Variants in EPHB1 observed in about 807,000 individuals in gnomAD.
EPHB1 encodes EPH receptor B1, also known as ephrin type-B receptor 1.
A neutral mutation model predicts 94.4 loss-of-function variants in EPHB1; 30 were observed. That is an observed-to-expected ratio of 0.32 (90% CI 0.24 to 0.43). EPHB1 has a LOEUF of 0.43. EPHB1 is among the 20% of genes least tolerant of loss of function. The pLI, the probability that EPHB1 is intolerant of heterozygous loss-of-function variation, is 1.00. For synonymous variants in EPHB1, 522 were observed against 489.1 expected, an observed-to-expected ratio of 1.07 and a Z score of -0.89; for missense variants, 1,055 against 1,308.3, an observed-to-expected ratio of 0.81 and a Z score of 2.99.
At chr3:134,997,654 C>T (rs1035259265) in intron 3 of EPHB1, among the ~76,000 whole-genome samples, 5 of 152,148 alleles carry the variant, frequency 3.3e-5, no homozygotes, top group Admixed American at 2.6e-4. Flanking sequence ...TTTTAGTTTC[C>T]TTACTATTCT....
chr3:134,880,690 C>T (rs1399710), intron 1 of EPHB1, among the ~76,000 whole-genome samples: 65,334 of 152,136 alleles, frequency 0.43, 14,442 homozygotes, highest in Non-Finnish European at 0.48. Flanking sequence ...GTTGGACCAC[C>T]CTCTGAGCAC....
intron 13 of EPHB1, 130 bp from the exon 14 acceptor site, chr3:135,248,186 G>T: frequency 1.3e-6 from 1 of 771,960 alleles, no homozygotes; most frequent in Non-Finnish European, 2.0e-6. Context: ...ACAGCGGAAG[G>T]TGTGCAAGCA....
chr3:135,140,975 T>C (rs1048566610), intron 5 of EPHB1, among the ~76,000 whole-genome samples: 2 of 152,192 alleles, frequency 1.3e-5, no homozygotes, highest in African/African-American at 4.8e-5. Context: ...TTGAATGTTC[T>C]GGGTAAATAA....
intron 3 of EPHB1, among the ~76,000 whole-genome samples, chr3:135,021,548 A>G (rs1288624148): frequency 6.8e-6 from 1 of 146,118 alleles, no homozygotes; most frequent in African/African-American, 2.6e-5. Context: ...TTTTCTAATT[A>G]TAAGATATTT....
intron 3 of EPHB1, among the ~76,000 whole-genome samples, chr3:135,040,638 C>A (rs562713602): frequency 3.9e-4 from 60 of 152,336 alleles, no homozygotes; most frequent in African/African-American, 1.4e-3. Flanking sequence ...GAAGGAGCTG[C>A]TGTTGAGGAT....
At chr3:134,916,293 C>T (rs1221879967) in intron 1 of EPHB1, among the ~76,000 whole-genome samples, 2 of 152,258 alleles carry the variant, frequency 1.3e-5, no homozygotes, top group African/African-American at 4.8e-5. Context: ...GCTGGCTTCA[C>T]CCAGTGGATC....
At chr3:134,882,818 C>CTTTCTTTCTTTCTTTCT (rs1450733032) in intron 1 of EPHB1, among the ~76,000 whole-genome samples, 14 of 114,254 alleles carry the variant, frequency 1.2e-4, no homozygotes, top group South Asian at 5.7e-4. Flanking sequence ...TTCTTTCTTT[C>CTTTCTTTCTTTCTTTCT]TTTCTTTTCT....
At chr3:134,952,955 C>A (rs1933093257) in intron 3 of EPHB1, among the ~76,000 whole-genome samples, 1 of 152,142 alleles carries the variant, frequency 6.6e-6, no homozygotes, top group South Asian at 2.1e-4. Context: ...AGACTGCTTT[C>A]CCTTATTAAA....
chr3:135,138,231 A>T (rs188858345), intron 5 of EPHB1, among the ~76,000 whole-genome samples: 293 of 152,328 alleles, frequency 1.9e-3, no homozygotes, highest in African/African-American at 6.6e-3. Flanking sequence ...CTTTTCTTTT[A>T]AAAATGCTGC....
At chr3:134,938,077 A>G (rs1206373271) in intron 2 of EPHB1, among the ~76,000 whole-genome samples, 1 of 152,036 alleles carries the variant, frequency 6.6e-6, no homozygotes, top group Non-Finnish European at 1.5e-5. Context: ...CCCCAGCTGG[A>G]GGTGTTTTAA....
chr3:134,959,966 C>CTTTTTTTTTTTTTTTTTTTT (rs61369813), intron 3 of EPHB1, among the ~76,000 whole-genome samples: 1 of 107,378 alleles, frequency 9.3e-6, no homozygotes, highest in Non-Finnish European at 1.9e-5. Context: ...ACATCTGCAC[C>CTTTTTTTTTTTTTTTTTTTT]TTTTTTTTTT....
At chr3:134,872,479 A>C (rs1478061860) in intron 1 of EPHB1, among the ~76,000 whole-genome samples, 5 of 152,242 alleles carry the variant, frequency 3.3e-5, no homozygotes, top group Non-Finnish European at 7.3e-5. Flanking sequence ...GCAAAGCTGA[A>C]AGACATGGCT....
chr3:134,972,314 T>C (rs1040103252), intron 3 of EPHB1, among the ~76,000 whole-genome samples: 5 of 116,678 alleles, frequency 4.3e-5, no homozygotes, highest in African/African-American at 2.2e-4. Context: ...CTTGAGGTCT[T>C]TCTCTAAGAG....
chr3:134,906,496 G>C (rs2107692180), intron 1 of EPHB1, among the ~76,000 whole-genome samples: 1 of 152,214 alleles, frequency 6.6e-6, no homozygotes, highest in African/African-American at 2.4e-5. Flanking sequence ...AACGTGAAAA[G>C]ACAAGTTTTA....
intron 3 of EPHB1, among the ~76,000 whole-genome samples, chr3:135,062,960 T>C (rs910218229): frequency 6.6e-6 from 1 of 152,218 alleles, no homozygotes; most frequent in Non-Finnish European, 1.5e-5. Flanking sequence ...CCTCACTTTA[T>C]GTTTTTGTTT....
rs552358086 is a variant in EPHB1 at position 135,142,414 on chromosome 3, G to C, written c.1297+9365G>C. Among the ~76,000 whole-genome samples, 12 of 152,324 alleles carry C rather than the reference G, an allele frequency of 7.9e-5. No individual in the cohort carries two copies. In the South Asian group the frequency reaches 2.5e-3, roughly 32 times the overall value. On this transcript the variant is annotated intron_variant, in intron 5 of 15. Transcript: ENST00000398015. ...ACAGATCACAAATATACCTCTGGTT[G>C]AGTTTTGACAGTCATATGCTCTGAA...
intron 15 of EPHB1, among the ~76,000 whole-genome samples, chr3:135,256,422 A>G (rs978599411): frequency 3.9e-5 from 6 of 152,166 alleles, no homozygotes; most frequent in Non-Finnish European, 7.3e-5. Context: ...TGGTGGTGAC[A>G]AAATCTCTCA....
At chr3:135,219,467 G>C (rs962732312) in intron 12 of EPHB1, among the ~76,000 whole-genome samples, 1 of 151,964 alleles carries the variant, frequency 6.6e-6, no homozygotes, top group Non-Finnish European at 1.5e-5. Context: ...GGCAGAGGTT[G>C]GGTGATGCCA....
At chr3:135,163,838 A>T (rs572802596) in intron 7 of EPHB1, among the ~76,000 whole-genome samples, 1 of 152,180 alleles carries the variant, frequency 6.6e-6, no homozygotes, top group African/African-American at 2.4e-5. Context: ...ACTGAGGTTC[A>T]CACATGGGTA....
Sources: gnomAD v4.1 joint callset for allele counts (sites outside exome capture counted in the v4.1 genomes callset) on GRCh38, gnomAD v4.1.1 for gene constraint, MANE v1.5 for transcripts, NCBI Gene and HGNC (gene_info 2026-07-23, HGNC 2026-07-21) for gene names.